The following MECOM variants were observed in gnomAD, a reference collection of about 807,000 sequenced individuals.
MECOM encodes the protein histone-lysine N-methyltransferase MECOM.
MECOM carries 13 observed loss-of-function variants against 116.3 expected under a neutral mutation model. The ratio of observed to expected loss-of-function variants is 0.11; its 90% confidence interval spans 0.07 to 0.18. The LOEUF (loss-of-function observed/expected upper bound fraction) is 0.18, where lower values mean the gene tolerates loss of function less well. Among genes scored for constraint, MECOM ranks in the 10% least tolerant of loss-of-function variants. The pLI, the probability that MECOM is intolerant of heterozygous loss-of-function variation, is 1.00. For missense variants in MECOM, 1,299 were observed against 1,509.0 expected (o/e 0.86, Z 2.31); for synonymous variants, 528 against 535.2 (o/e 0.99, Z 0.19).
chr3:169,472,466 AGG>A, intron 1 of MECOM, among the ~76,000 whole-genome samples: 10 of 14,732 alleles, frequency 6.8e-4, no homozygotes, highest in African/African-American at 2.3e-3. Flanking sequence ...AAGGGAAAGA[AGG>A]AAAGGAAAGG....
chr3:169,317,510 G>A (rs948858916), intron 2 of MECOM, among the ~76,000 whole-genome samples: 1 of 152,160 alleles, frequency 6.6e-6, no homozygotes, highest in Non-Finnish European at 1.5e-5. Context: ...GAGATGTAAG[G>A]TCATTCATAA....
chr3:169,146,658 T>A (rs1038319298), intron 2 of MECOM: 20 of 1,350,650 alleles, frequency 1.5e-5, no homozygotes, highest in Middle Eastern at 2.2e-4. Context: ...CAGGAAACTG[T>A]CCGAAGTGAC....
intron 1 of MECOM, among the ~76,000 whole-genome samples, chr3:169,468,899 A>T (rs1408519050): frequency 1.3e-5 from 2 of 152,198 alleles, no homozygotes; most frequent in African/African-American, 4.8e-5. Context: ...ACTGCCACCA[A>T]GGAATCTGAA....
At chr3:169,274,675 C>T (rs1352671345) in intron 2 of MECOM, among the ~76,000 whole-genome samples, 2 of 152,122 alleles carry the variant, frequency 1.3e-5, no homozygotes, top group Non-Finnish European at 2.9e-5. Context: ...CTGTCAAATA[C>T]GGTAGCAACT....
intron 2 of MECOM, chr3:169,149,686 C>T (rs749980958): frequency 1.0e-5 from 5 of 484,358 alleles, no homozygotes; most frequent in Admixed American, 4.3e-5. Flanking sequence ...GCTATTCCTA[C>T]GTCTGAGCTT....
At chr3:169,477,117 A>G (rs867438123) in intron 1 of MECOM, 5 of 51,722 alleles carry the variant, frequency 9.7e-5, no homozygotes, top group African/African-American at 1.6e-4. Flanking sequence ...ATATATATAT[A>G]TATATATATA....
intron 2 of MECOM, among the ~76,000 whole-genome samples, chr3:169,194,256 T>C (rs931066483): frequency 6.6e-6 from 1 of 151,902 alleles, no homozygotes; most frequent in African/African-American, 2.4e-5. Flanking sequence ...TAGGTGGGAA[T>C]TGAACAATGA....
At chr3:169,211,362 C>G (rs975021098) in intron 2 of MECOM, among the ~76,000 whole-genome samples, 4 of 152,082 alleles carry the variant, frequency 2.6e-5, no homozygotes, top group African/African-American at 9.7e-5. Flanking sequence ...AAACACCCTG[C>G]TACATATTCA....
chr3:169,121,266 A>G, intron 6 of MECOM, 57 bp from the exon 7 acceptor site: 1 of 1,503,248 alleles, frequency 6.7e-7, no homozygotes, highest in Non-Finnish European at 8.9e-7. Flanking sequence ...CACAATAAAG[A>G]AGACCCGGGA....
At chr3:169,283,414 CA>C (rs59862177) in intron 2 of MECOM, among the ~76,000 whole-genome samples, 12 of 143,368 alleles carry the variant, frequency 8.4e-5, no homozygotes, top group Non-Finnish European at 1.1e-4. Context: ...GACCCCATCT[CA>C]AAAAAAAAAG....
At chr3:169,367,517 C>CA (rs1176457408) in intron 2 of MECOM, among the ~76,000 whole-genome samples, 2 of 151,808 alleles carry the variant, frequency 1.3e-5, no homozygotes, top group African/African-American at 4.8e-5. Flanking sequence ...TATTTAAAAG[C>CA]AAGAAGGCAT....
chr3:169,642,579 A>T (rs2110038788), intron 1 of MECOM, among the ~76,000 whole-genome samples: 1 of 152,162 alleles, frequency 6.6e-6, no homozygotes, highest in South Asian at 2.1e-4. Context: ...TTCAGAGAAG[A>T]TAAAAGAGCA....
intron 10 of MECOM, among the ~76,000 whole-genome samples, chr3:169,107,507 G>A (rs1725824438): frequency 6.6e-6 from 1 of 151,862 alleles, no homozygotes; most frequent in South Asian, 2.1e-4. Flanking sequence ...TCCCATGTCA[G>A]CCTGTATCTA....
intron 1 of MECOM, among the ~76,000 whole-genome samples, chr3:169,577,270 A>G (rs1488347323): frequency 6.6e-6 from 1 of 152,232 alleles, no homozygotes; most frequent in Non-Finnish European, 1.5e-5. Flanking sequence ...CTGTTATGTC[A>G]TCAGAGTCCT....
intron 2 of MECOM, among the ~76,000 whole-genome samples, chr3:169,170,916 G>A (rs1306942158): frequency 6.6e-6 from 1 of 151,968 alleles, no homozygotes; most frequent in Non-Finnish European, 1.5e-5. Flanking sequence ...AAATCCACTG[G>A]GCAGTGTTTC....
At chr3:169,520,387 A>G (rs1578330373) in intron 1 of MECOM, among the ~76,000 whole-genome samples, 1 of 152,314 alleles carries the variant, frequency 6.6e-6, no homozygotes, top group Non-Finnish European at 1.5e-5. Flanking sequence ...GACTTCCAGG[A>G]CAATGTAATG....
At chr3:169,453,089 T>C (rs1745876406) in intron 1 of MECOM, among the ~76,000 whole-genome samples, 1 of 152,202 alleles carries the variant, frequency 6.6e-6, no homozygotes, top group African/African-American at 2.4e-5. Context: ...ATTAGCTTCT[T>C]AAAACAATTG....
At chr3:169,112,765 A>G (rs774034039) in intron 9 of MECOM, 22 bp downstream of exon 9, 1 of 1,582,826 alleles carries the variant, frequency 6.3e-7, no homozygotes, top group Non-Finnish European at 8.7e-7. Flanking sequence ...CAAGCTGGAA[A>G]TCTCAAATCC....
intron 2 of MECOM, among the ~76,000 whole-genome samples, chr3:169,188,154 C>T (rs1260964403): frequency 6.6e-6 from 1 of 152,072 alleles, no homozygotes; most frequent in Non-Finnish European, 1.5e-5. Flanking sequence ...GCAATTCTCT[C>T]TCAATACCTG....
Sources: allele counts gnomAD v4.1 joint callset (sites outside exome capture counted in the v4.1 genomes callset), GRCh38; gene constraint gnomAD v4.1.1; transcripts MANE v1.5; gene names NCBI Gene and HGNC (gene_info 2026-07-23, HGNC 2026-07-21).